The following UBN2 variants were observed in gnomAD, a reference collection of about 807,000 sequenced individuals.
UBN2 encodes ubinuclein 2.
Under a neutral mutation model 120.2 loss-of-function variants are expected in UBN2, and 35 were observed. The observed-to-expected ratio is 0.29, with a 90% CI of 0.22 to 0.39. The LOEUF is 0.39. UBN2 is among the 10% of genes least tolerant of loss of function. The probability of loss-of-function intolerance (pLI) is 1.00; values close to 1 mark genes in which losing one functional copy is unlikely to be tolerated. For missense variants in UBN2, 1,693 were observed against 1,663.2 expected (o/e 1.02, Z -0.31); for synonymous variants, 661 against 648.7 (o/e 1.02, Z -0.29).
intron 2 of UBN2, among the ~76,000 whole-genome samples, chr7:139,241,043 C>T (rs1334987106): frequency 6.6e-6 from 1 of 152,166 alleles, no homozygotes; most frequent in African/African-American, 2.4e-5. Flanking sequence ...AATGTTTAGG[C>T]AAAACATCTT....
At chr7:139,291,176 C>T (rs764734075) in intron 15 of UBN2, among the ~76,000 whole-genome samples, 4 of 151,760 alleles carry the variant, frequency 2.6e-5, no homozygotes, top group Non-Finnish European at 5.9e-5. Context: ...TCCTGGCCAA[C>T]ATGGTGAAAC....
chr7:139,298,475 A>G lies in UBN2; in HGVS notation c.*639A>G, dbSNP rs1215676522. 6.6e-6 allele frequency: 1 copy of G among 152,216 alleles called. No individual in the cohort carries two copies. The highest frequency in any genetic ancestry group is 1.9e-4 in the East Asian group (1 of 5,202). The allele number at this position is 152,216 out of a possible 1,614,324, so 9.4% of individuals were successfully genotyped here. A position where few individuals can be genotyped will look rare whatever the true frequency, so the allele number is the denominator to read the frequency against. On this transcript the variant is annotated 3_prime_UTR_variant, in exon 18 of 18. Transcript: ENST00000473989. The stretch of plus-strand genomic sequence containing the variant: ...AGGAAAGTTATTTTAGCACAGTGAT[A>G]TATATTATTAAATCATCTAGATTTT...
chr7:139,293,895 T>TAAA lies in UBN2; in HGVS notation c.3909_3911dup (p.Lys1304dup). 1 of 1,614,086 alleles carries TAAA rather than the reference T, an allele frequency of 6.2e-7. No homozygotes were observed. The highest frequency in any genetic ancestry group is 8.5e-7 in the Non-Finnish European group (1 of 1,179,952). On this transcript the variant is annotated inframe_insertion, in exon 17 of 18. Transcript: ENST00000473989. ...AAGTCTGTTTTCCTCTCAGATTTAC[T>TAAA]AAAGGGTTTACAGCCAGGAGGAGCT... is the stretch of plus-strand genomic sequence containing the variant.
intron 2 of UBN2, among the ~76,000 whole-genome samples, chr7:139,243,882 A>T (rs1796389533): frequency 6.6e-6 from 1 of 152,126 alleles, no homozygotes; most frequent in African/African-American, 2.4e-5. Flanking sequence ...GGTGTGTCAA[A>T]TACACGTTTT....
rs941934891 is a variant in UBN2 at position 139,299,732 on chromosome 7, G to A, written c.*1896G>A. ...TGCAGAGAGGTTTGACTTGAATTCA[G>A]TATGTTTGATGAAGATTTGCTTGGT... On this transcript the variant is annotated 3_prime_UTR_variant, in exon 18 of 18. Coordinates refer to ENST00000473989, the MANE Select transcript of UBN2 (RefSeq NM_173569.4). 1.8e-4 allele frequency: 27 copies of A among 152,286 alleles called. No individual in the cohort carries two copies. Among genetic ancestry groups the A allele is most frequent in the African/African-American group, 6.3e-4 (26 of 41,560 alleles). 9.4% of individuals were successfully genotyped at this position (152,286 alleles called of 1,614,324 possible).
rs2130914836 is a variant in UBN2 at position 139,231,354 on chromosome 7, C to T, written c.-131C>T. ...GACACGGTCCGCACTCACCGTGGCG[C>T]CGGCGGAGACGGCTGAGGGTGGTGG... is the stretch of plus-strand genomic sequence containing the variant. On this transcript the variant is annotated 5_prime_UTR_variant, in exon 1 of 18. Coordinates refer to ENST00000473989, the MANE Select transcript of UBN2 (RefSeq NM_173569.4). 1.3e-6 allele frequency: 1 copy of T among 743,456 alleles called. No individual in the cohort carries two copies. The highest frequency in any genetic ancestry group is 1.8e-6 in the Non-Finnish European group (1 of 541,208). 46.1% of individuals were successfully genotyped at this position (743,456 alleles called of 1,614,324 possible).
Position 139,283,943 on chromosome 7 carries a change from A to G in UBN2, c.3038A>G (p.Tyr1013Cys), listed in dbSNP as rs1328359812. 6.2e-7 allele frequency: 1 copy of G among 1,613,328 alleles called. No individual in the cohort carries two copies. Among genetic ancestry groups the G allele is most frequent in the African/African-American group, 1.3e-5 (1 of 74,574 alleles). ...TVPSTTTSSN[Y>C]LAKAMVSQIS... ...CCTAGCACCACTACCTCCAGTAACTATTTAGCCAAGGCTATGGTGTCACAG... is the reference window on the plus strand; with the variant it reads ...CCTAGCACCACTACCTCCAGTAACTGTTTAGCCAAGGCTATGGTGTCACAG... The change falls in exon 15 of 18, where the codon TAT becomes TGT. Residue 1013 changes from tyrosine (Y) to cysteine (C), a missense_variant. By Grantham distance (194) the Tyr-to-Cys change is radical. Transcript: ENST00000473989.
At chr7:139,264,065 T>TG (rs879147878) in intron 6 of UBN2, among the ~76,000 whole-genome samples, 7 of 152,212 alleles carry the variant, frequency 4.6e-5, no homozygotes, top group Admixed American at 3.3e-4. Context: ...TTATGACCTG[T>TG]GATGATTATT....
At chr7:139,239,106 G>A (rs4270904) in intron 2 of UBN2, among the ~76,000 whole-genome samples, 5,656 of 152,058 alleles carry the variant, frequency 0.037, 151 homozygotes, top group South Asian at 0.086. Context: ...CACTTCCTAG[G>A]CAAGTAACAC....
chr7:139,271,544 C>T (rs2131007183), intron 8 of UBN2, among the ~76,000 whole-genome samples: 1 of 151,662 alleles, frequency 6.6e-6, no homozygotes, highest in South Asian at 2.1e-4. Flanking sequence ...CAAGATGGTG[C>T]CACTGCACTC....
rs74592161 is a variant in UBN2 at position 139,276,777 on chromosome 7, A to G, written c.2024+630A>G. ...GCCTGCAAGGGTGGCATTAACGGTT[A>G]TTAAAGCCAGGCACAGTGGCTCGCG... On this transcript the variant is annotated intron_variant, in intron 12 of 17. Coordinates refer to ENST00000473989, the MANE Select transcript of UBN2 (RefSeq NM_173569.4). 2.7e-3 allele frequency: 410 copies of G among 152,780 alleles called. 8 individuals are homozygous for G. The East Asian group carries it at 0.058, about 22-fold the overall frequency. The allele number at this position is 152,780 out of a possible 1,614,324, so 9.5% of individuals were successfully genotyped here. A position where few individuals can be genotyped will look rare whatever the true frequency, so the allele number is the denominator to read the frequency against.
chr7:139,308,011 GC>G lies in UBN2; in HGVS notation c.*10176del, dbSNP rs1459380305. ...ACCCCCATGAATATACTCCTTCAGT[GC>G]AGGGATTTTTGTGTTTTTTTTTTTT... On this transcript the variant is annotated 3_prime_UTR_variant, in exon 18 of 18. Coordinates refer to ENST00000473989, the MANE Select transcript of UBN2 (RefSeq NM_173569.4). The G allele has an allele frequency of 6.7e-6, 1 of 149,504 alleles. No individual in the cohort carries two copies. The highest frequency in any genetic ancestry group is 1.5e-5 in the Non-Finnish European group (1 of 67,810). The allele number at this position is 149,504 out of a possible 1,614,324, so 9.3% of individuals were successfully genotyped here. A position where few individuals can be genotyped will look rare whatever the true frequency, so the allele number is the denominator to read the frequency against.
chr7:139,235,423 TCTCA>T (rs1796138602), intron 1 of UBN2, among the ~76,000 whole-genome samples: 1 of 152,190 alleles, frequency 6.6e-6, no homozygotes, highest in South Asian at 2.1e-4. Flanking sequence ...TGAGATGAAG[TCTCA>T]CTCTGTCTCA....
At chr7:139,265,434 C>T (rs562804986) in intron 6 of UBN2, among the ~76,000 whole-genome samples, 2 of 152,030 alleles carry the variant, frequency 1.3e-5, no homozygotes, top group East Asian at 1.9e-4. Context: ...GCCGAGATCG[C>T]GCCACTGCAC....
At position 139,301,141 on chromosome 7, in the gene UBN2, C is replaced by T. The variant is rs1336292163; in HGVS notation, c.*3305C>T. 1 of 152,098 alleles carries T rather than the reference C, an allele frequency of 6.6e-6. No homozygotes were observed. Among genetic ancestry groups the T allele is most frequent in the Non-Finnish European group, 1.5e-5 (1 of 68,020 alleles). The allele number at this position is 152,098 out of a possible 1,614,324, so 9.4% of individuals were successfully genotyped here. A position where few individuals can be genotyped will look rare whatever the true frequency, so the allele number is the denominator to read the frequency against. On this transcript the variant is annotated 3_prime_UTR_variant, in exon 18 of 18. Transcript: ENST00000473989. ...CAAATTACATTTTTCATATCATGGA[C>T]ATTGAATAGGGTTTATTGAATCAGG...
chr7:139,261,381 A>C lies in UBN2; in HGVS notation c.1035A>C (p.Lys345Asn). 6.2e-7 allele frequency: 1 copy of C among 1,614,208 alleles called. No individual in the cohort carries two copies. The change falls in exon 6 of 18, where the codon AAA becomes AAC. Residue 345 changes from lysine (K) to asparagine (N), a missense_variant. Transcript: ENST00000473989. ...CATTAAAGAAGGAGTCTAACCCCAA[A>C]GTCCCAGTGACCTTGTCAACCCCTT... ...KDALKKESNP[K>N]VPVTLSTPSL...
chr7:139,253,818 G>A (rs1320434547), intron 3 of UBN2, among the ~76,000 whole-genome samples: 2 of 152,188 alleles, frequency 1.3e-5, no homozygotes, highest in African/African-American at 2.4e-5. Context: ...CAGTAATTAA[G>A]CATATACAGA....
At chr7:139,252,653 A>G (rs1251619017) in intron 3 of UBN2, among the ~76,000 whole-genome samples, 2 of 152,090 alleles carry the variant, frequency 1.3e-5, no homozygotes, top group Non-Finnish European at 2.9e-5. Context: ...CTTTATTTTC[A>G]TATGCTCTGC....
rs1408942617 is a variant in UBN2 at position 139,284,107 on chromosome 7, A to G, written c.3202A>G (p.Lys1068Glu). The G allele has an allele frequency of 9.9e-6, 16 of 1,614,016 alleles. No individual in the cohort carries two copies. The highest frequency in any genetic ancestry group is 1.7e-5 in the Admixed American group (1 of 59,998). Residue 1068 changes from lysine to glutamate, a missense_variant, in exon 15 of 18, where the codon AAG (lysine) becomes GAG (glutamate). Physicochemically the swap from Lys to Glu is moderately conservative, Grantham distance 56 (BLOSUM62 1). Around this residue, in one of 5 missense-constraint regions of UBN2, gnomAD observed 837 missense variants for 817.6 expected, o/e 1.02. Transcript: ENST00000473989. Reference protein sequence around the residue: ...SASPKPSLSAKPSVSTKLISK... With the variant: ...SASPKPSLSAEPSVSTKLISK... Reference sequence around the variant, plus strand: ...CTCACCCAAGCCCTCTCTGTCAGCTAAGCCTTCAGTATCAACTAAACTTAT... The same window carrying G: ...CTCACCCAAGCCCTCTCTGTCAGCTGAGCCTTCAGTATCAACTAAACTTAT...
Sources: allele counts gnomAD v4.1 joint callset (sites outside exome capture counted in the v4.1 genomes callset), GRCh38; gene constraint gnomAD v4.1.1; regional missense constraint gnomAD v4.1.1; transcripts MANE v1.5; gene names NCBI Gene and HGNC (gene_info 2026-07-23, HGNC 2026-07-21).